Variants in B4GALT3 observed in about 807,000 individuals in gnomAD.
The protein encoded by B4GALT3 is beta-1,4-galactosyltransferase 3.
B4GALT3 carries 29 observed loss-of-function variants against 40.7 expected under a neutral mutation model. That is an observed-to-expected ratio of 0.71 (90% CI 0.53 to 0.97). The LOEUF is 0.97. Ranked by LOEUF, B4GALT3 falls within the 50% of genes least tolerant of loss-of-function variation. The probability of loss-of-function intolerance (pLI) is 0.00; values close to 1 mark genes in which losing one functional copy is unlikely to be tolerated. For missense variants in B4GALT3, 390 were observed against 522.3 expected (o/e 0.75, Z 2.47); for synonymous variants, 182 against 203.9 (o/e 0.89, Z 0.92).
Position 161,175,854 on chromosome 1 carries a change from T to C in B4GALT3, c.207A>G (p.Pro69=), listed in dbSNP as rs201757475. ...SHLPGAPGGP[P]APQGLPYCPE... is the part of the protein sequence containing the mutation. ...GACAGTAGGGCAGACCTTGAGGAGC[T>C]GGAGGACCCCCTGGGGCCCCAGGCA... Residue 69 remains proline, a synonymous_variant, in exon 3 of 8, where the codon CCA becomes CCG. Transcript: ENST00000319769. 38 of 1,614,130 alleles carry C rather than the reference T, an allele frequency of 2.4e-5. No individual in the cohort carries two copies. Among genetic ancestry groups the C allele is most frequent in the East Asian group, 1.3e-4 (6 of 44,870 alleles).
chr1:161,176,112 A>G, intron 2 of B4GALT3, 38 bp from the exon 3 acceptor site: 1 of 1,606,166 alleles, frequency 6.2e-7, no homozygotes, highest in Middle Eastern at 1.7e-4. Flanking sequence ...GTAGGCAGGA[A>G]GAGAGCAAGC....
rs755066239 is a variant in B4GALT3 at position 161,175,146 on chromosome 1, GC to G, written c.335del (p.Gly112AlafsTer64). 1.2e-6 allele frequency: 2 copies of G among 1,613,870 alleles called. No individual in the cohort carries two copies. The highest frequency in any genetic ancestry group is 1.7e-6 in the Non-Finnish European group (2 of 1,179,878). Reference protein sequence around the residue: ...VERNPRVEPGGRYRPAGCEPR... With the variant: ...VERNPRVEPGXRYRPAGCEPR... ...GCTCACAACCTGCAGGGCGGTACCG[GC>G]CCCCTGGTTCTACCCGGGGATTCCG... On this transcript the variant is annotated frameshift_variant, in exon 4 of 8. Transcript: ENST00000319769. LOFTEE classifies it high-confidence loss of function.
At chr1:161,173,144 T>G (rs551458280) in intron 6 of B4GALT3, among the ~76,000 whole-genome samples, 1 of 152,132 alleles carries the variant, frequency 6.6e-6, no homozygotes, top group South Asian at 2.1e-4. Flanking sequence ...ACCACAGACA[T>G]GAAATTGGGT....
At position 161,171,735 on chromosome 1, in the gene B4GALT3, G is replaced by T; in HGVS notation, c.*81C>A. On this transcript the variant is annotated 3_prime_UTR_variant, in exon 8 of 8. Transcript: ENST00000319769. Reference sequence around the variant, plus strand: ...GAGTTCAGTTCCCTCACATCCCTCTGAGAACAGTGAGGAGCTGAGGGTGGG... The same window carrying T: ...GAGTTCAGTTCCCTCACATCCCTCTTAGAACAGTGAGGAGCTGAGGGTGGG... 1 of 1,543,178 alleles carries T rather than the reference G, an allele frequency of 6.5e-7. No individual in the cohort carries two copies. The highest frequency in any genetic ancestry group is 1.2e-5 in the South Asian group (1 of 83,644).
rs1406144003 is a variant in B4GALT3, at chr1:161,171,818, AGT to A, written c.1178_1179del (p.His393LeufsTer9). On this transcript the variant is annotated frameshift_variant, in exon 8 of 8. Transcript: ENST00000319769. LOFTEE classifies it high-confidence loss of function. ...TANHTALRGSH is the reference protein window; with the variant it reads ...TANHTALRGSX The stretch of plus-strand genomic sequence containing the variant: ...TTAAGGTAGACAGGAAGGAGGAGTC[AGT>A]GTGAACCTCGGAGGGCTGTGTGGTT... The A allele has an allele frequency of 6.2e-7, 1 of 1,613,976 alleles. No individual in the cohort carries two copies. The highest frequency in any genetic ancestry group is 8.5e-7 in the Non-Finnish European group (1 of 1,179,968).
chr1:161,173,810 A>G (rs1239561433), intron 5 of B4GALT3, 49 bp downstream of exon 5: 5 of 1,609,468 alleles, frequency 3.1e-6, no homozygotes, highest in Admixed American at 1.7e-5. Flanking sequence ...TCCTCCTTCC[A>G]CAGGATAGTA....
In B4GALT3 at chr1:161,171,836, C is replaced by A. The variant is rs144909171; in HGVS notation, c.1162G>T (p.Ala388Ser). The A allele has an allele frequency of 4.2e-5, 67 of 1,613,974 alleles. No individual in the cohort carries two copies. The highest frequency in any genetic ancestry group is 5.5e-5 in the Non-Finnish European group (65 of 1,180,022). ...AGGAGTCAGTGTGAACCTCGGAGGG[C>A]TGTGTGGTTGGCAGTAGATAGAGGC... ...PGPLSTANHT[A>S]LRGSH The change falls in exon 8 of 8, where the codon GCC (alanine) becomes TCC (serine). Residue 388 changes from alanine (A) to serine (S), a missense_variant. Physicochemically the swap from Ala to Ser is moderately conservative, Grantham distance 99. Around this residue, in one of 3 missense-constraint regions of B4GALT3, gnomAD observed 72 missense variants for 71.3 expected, o/e 1.01. Coordinates refer to ENST00000319769, the MANE Select transcript of B4GALT3 (RefSeq NM_003779.4).
chr1:161,174,795 T>C (rs1244055160), intron 4 of B4GALT3, 198 bp downstream of exon 4: 1 of 602,438 alleles, frequency 1.7e-6, no homozygotes, highest in Admixed American at 3.2e-5. Flanking sequence ...TGTAGGACAG[T>C]GGGAATAACC....
In B4GALT3 at chr1:161,171,788, C is replaced by T; in HGVS notation, c.*28G>A. On this transcript the variant is annotated 3_prime_UTR_variant, in exon 8 of 8. Coordinates refer to ENST00000319769, the MANE Select transcript of B4GALT3 (RefSeq NM_003779.4). ...GAATACAACCCCATGAATTCGGTTT[C>T]ATGATTAAGGTAGACAGGAAGGAGG... The T allele has an allele frequency of 6.2e-7, 1 of 1,611,558 alleles. No individual in the cohort carries two copies. Among genetic ancestry groups the T allele is most frequent in the Non-Finnish European group, 8.5e-7 (1 of 1,178,490 alleles).
In B4GALT3 at chr1:161,173,992, G is replaced by A. The variant is rs754732272; in HGVS notation, c.547C>T (p.Leu183=). The A allele has an allele frequency of 4.3e-6, 7 of 1,613,962 alleles. No homozygotes were observed. In the African/African-American group the frequency reaches 8.0e-5, roughly 18 times the overall value. Residue 183 remains leucine (L), a synonymous_variant, in exon 5 of 8, where the codon CTG becomes TTG. Coordinates refer to ENST00000319769, the MANE Select transcript of B4GALT3 (RefSeq NM_003779.4). The part of the protein sequence containing the change: ...KLLNVGVREA[L]RDEEWDCLFL... ...AGGCAGTCCCACTCTTCATCACGCA[G>A]GGCCTCTCGCACCCCAACGTTCAAC...
rs753511474 is a variant in B4GALT3 at position 161,171,829 on chromosome 1, C to G, written c.1169G>C (p.Arg390Pro). The G allele has an allele frequency of 1.2e-6, 2 of 1,613,930 alleles. No homozygotes were observed. Among genetic ancestry groups the G allele is most frequent in the Admixed American group, 1.7e-5 (1 of 60,006 alleles). Residue 390 changes from arginine (R) to proline (P), a missense_variant, in exon 8 of 8, where the codon CGA becomes CCA. Transcript: ENST00000319769. ...PLSTANHTALRGSH is the reference protein window; with the variant it reads ...PLSTANHTALPGSH The stretch of plus-strand genomic sequence containing the variant: ...AGGAAGGAGGAGTCAGTGTGAACCT[C>G]GGAGGGCTGTGTGGTTGGCAGTAGA...
At chr1:161,177,675 A>G (rs1046827067), upstream of B4GALT3, 2 of 157,184 alleles carry the variant, frequency 1.3e-5, no homozygotes, top group African/African-American at 4.8e-5. Flanking sequence ...GCTAGGGTTC[A>G]ACTCCACTAC....
intron 1 of B4GALT3, 126 bp from the exon 2 acceptor site, chr1:161,176,705 A>G (rs777944712): frequency 3.1e-6 from 2 of 647,216 alleles, no homozygotes; most frequent in African/African-American, 1.8e-5. Flanking sequence ...GGAGCAGGAG[A>G]TGGTAGGTCC....
Position 161,174,978 on chromosome 1 carries a change from G to A in B4GALT3, c.489+15C>T. 1 of 1,610,646 alleles carries A rather than the reference G, an allele frequency of 6.2e-7. No individual in the cohort carries two copies. The highest frequency in any genetic ancestry group is 8.5e-7 in the Non-Finnish European group (1 of 1,177,652). On this transcript the variant is annotated intron_variant, in intron 4 of 7. Transcript: ENST00000319769. ...AGAAGAAAGTCAGTCAAAATGAGGT[G>A]GAGATTGGGGGTACCTGGTGGATGA...
chr1:161,173,570 G>T (rs370500860), intron 6 of B4GALT3, 35 bp downstream of exon 6: 2 of 1,612,734 alleles, frequency 1.2e-6, no homozygotes, highest in Non-Finnish European at 1.7e-6. Flanking sequence ...GATCCAGACT[G>T]GGGTCAGGAG....
chr1:161,175,627 C>G (rs945619604), intron 3 of B4GALT3, among the ~76,000 whole-genome samples, 181 bp downstream of exon 3: 2 of 152,066 alleles, frequency 1.3e-5, no homozygotes, highest in African/African-American at 4.8e-5. Context: ...TCTAAACTCC[C>G]AATTCAGAGT....
In B4GALT3 at chr1:161,171,661, C is replaced by G. The variant is rs1661476111; in HGVS notation, c.*155G>C. 2 of 1,086,762 alleles carry G rather than the reference C, an allele frequency of 1.8e-6. No individual in the cohort carries two copies. The highest frequency in any genetic ancestry group is 2.7e-5 in the Admixed American group (1 of 37,564). The allele number at this position is 1,086,762 out of a possible 1,614,324, so 67.3% of individuals were successfully genotyped here. On this transcript the variant is annotated 3_prime_UTR_variant, in exon 8 of 8. Coordinates refer to ENST00000319769, the MANE Select transcript of B4GALT3 (RefSeq NM_003779.4). ...ACCCCTCAGGTCTACAGGAGCCCAG[C>G]TCCAGTCCAGCAGTGAGGGAGAGGC...
intron 4 of B4GALT3, 54 bp from the exon 5 acceptor site, chr1:161,174,103 G>C: frequency 5.1e-6 from 8 of 1,570,538 alleles, no homozygotes; most frequent in Non-Finnish European, 6.9e-6. Flanking sequence ...ACGGAGAAAA[G>C]GGGGCTAAAG....
chr1:161,171,680 G>T lies in B4GALT3; in HGVS notation c.*136C>A. On this transcript the variant is annotated 3_prime_UTR_variant, in exon 8 of 8. Transcript: ENST00000319769. The stretch of plus-strand genomic sequence containing the variant: ...GCCCAGCTCCAGTCCAGCAGTGAGG[G>T]AGAGGCCCCTACCCCCTAGCACGGC... 1.6e-6 allele frequency: 2 copies of T among 1,270,924 alleles called. No individual in the cohort carries two copies. Among genetic ancestry groups the T allele is most frequent in the Non-Finnish European group, 2.2e-6 (2 of 925,306 alleles). 78.7% of individuals were successfully genotyped at this position (1,270,924 alleles called of 1,614,324 possible). A position where few individuals can be genotyped will look rare whatever the true frequency, so the allele number is the denominator to read the frequency against.
Sources: gnomAD v4.1 joint callset for allele counts (sites outside exome capture counted in the v4.1 genomes callset) on GRCh38, gnomAD v4.1.1 for gene constraint, gnomAD v4.1.1 regional missense constraint, MANE v1.5 for transcripts, NCBI Gene and HGNC (gene_info 2026-07-23, HGNC 2026-07-21) for gene names.